The following ATP13A5 variants were observed in gnomAD, a reference collection of about 807,000 sequenced individuals.
ATP13A5 encodes the protein probable cation-transporting ATPase 13A5.
Under a neutral mutation model 150.2 loss-of-function variants are expected in ATP13A5, and 149 were observed. The observed-to-expected ratio is 0.99, with a 90% CI of 0.87 to 1.14. The LOEUF is 1.14. ATP13A5 is among the 50% of genes most tolerant of loss of function. ATP13A5 has a pLI of 0.00. For synonymous variants in ATP13A5, 497 were observed against 522.2 expected (o/e 0.95, Z 0.66); for missense variants, 1,383 against 1,449.3 (o/e 0.95, Z 0.74).
intron 26 of ATP13A5, among the ~76,000 whole-genome samples, chr3:193,289,000 T>C (rs1411455088): frequency 6.6e-6 from 1 of 152,156 alleles, no homozygotes; most frequent in Non-Finnish European, 1.5e-5. Context: ...AAAAATCTAG[T>C]GTTTAAACAG....
intron 9 of ATP13A5, among the ~76,000 whole-genome samples, chr3:193,337,410 T>C (rs902474852): frequency 3.3e-5 from 5 of 152,214 alleles, no homozygotes; most frequent in Admixed American, 6.5e-5. Context: ...GAATTAATTT[T>C]TGTATAAGGT....
At chr3:193,328,480 T>C (rs1486146426) in intron 12 of ATP13A5, among the ~76,000 whole-genome samples, 2 of 152,264 alleles carry the variant, frequency 1.3e-5, no homozygotes, top group Admixed American at 6.5e-5. Context: ...CAAACTGATA[T>C]GTTTTCCTGA....
At chr3:193,352,646 G>A (rs1185015290) in intron 6 of ATP13A5, among the ~76,000 whole-genome samples, 1 of 152,104 alleles carries the variant, frequency 6.6e-6, no homozygotes, top group African/African-American at 2.4e-5. Context: ...GATAGTTAGG[G>A]AAGCTATGCA....
intron 1 of ATP13A5, among the ~76,000 whole-genome samples, chr3:193,371,277 C>T (rs1263526128): frequency 6.6e-6 from 1 of 152,224 alleles, no homozygotes; most frequent in East Asian, 1.9e-4. Context: ...TAGGAAAAAA[C>T]AGCTATACAG....
In ATP13A5 at chr3:193,364,094, G is replaced by T. The variant is rs1273901518; in HGVS notation, c.237+13C>A. 1.9e-6 allele frequency: 3 copies of T among 1,612,196 alleles called. No homozygotes were observed. The highest frequency in any genetic ancestry group is 3.3e-5 in the Admixed American group (2 of 59,880). ...ATCATGGCTTTCAAAATAGAAAACA[G>T]AAAGGCACGCACTGTTGTCCTCAGC... On this transcript the variant is annotated intron_variant, in intron 2 of 29. Transcript: ENST00000342358.
At chr3:193,371,974 G>A (rs890698877) in intron 1 of ATP13A5, among the ~76,000 whole-genome samples, 8 of 152,096 alleles carry the variant, frequency 5.3e-5, no homozygotes, top group African/African-American at 1.9e-4. Context: ...GTGATCACAG[G>A]GGTGTCATGT....
chr3:193,322,443 C>G lies in ATP13A5; in HGVS notation c.1758+48G>C, dbSNP rs375937177. The G allele has an allele frequency of 2.8e-5, 38 of 1,363,856 alleles. No individual in the cohort carries two copies. In the African/African-American group the frequency reaches 4.9e-4, roughly 18 times the overall value. 84.5% of individuals were successfully genotyped at this position (1,363,856 alleles called of 1,614,324 possible). ...ATATGTGCAAGTCAGAAATGTTTTACCAGTTTTATGGGGAAAGAGCTATGT... is the reference window on the plus strand; with the variant it reads ...ATATGTGCAAGTCAGAAATGTTTTAGCAGTTTTATGGGGAAAGAGCTATGT... On this transcript the variant is annotated intron_variant, in intron 15 of 29. Coordinates refer to ENST00000342358, the MANE Select transcript of ATP13A5 (RefSeq NM_198505.4).
At chr3:193,351,247 T>C (rs772436167) in intron 6 of ATP13A5, 46 bp from the exon 7 acceptor site, 3 of 1,604,052 alleles carry the variant, frequency 1.9e-6, no homozygotes, top group South Asian at 1.1e-5. Flanking sequence ...TGAACCTTAG[T>C]AGCAATCAAG....
At chr3:193,293,515 T>G (rs967181943) in intron 25 of ATP13A5, among the ~76,000 whole-genome samples, 1 of 152,118 alleles carries the variant, frequency 6.6e-6, no homozygotes, top group Non-Finnish European at 1.5e-5. Flanking sequence ...TCCTGTCTCA[T>G]TCCACATTCT....
chr3:193,337,850 C>T (rs977851885), intron 9 of ATP13A5, among the ~76,000 whole-genome samples: 1 of 152,188 alleles, frequency 6.6e-6, no homozygotes, highest in Non-Finnish European at 1.5e-5. Flanking sequence ...AATGTGGATT[C>T]TTCCTATCCA....
At chr3:193,364,553 C>T (rs1713170236) in intron 1 of ATP13A5, among the ~76,000 whole-genome samples, 1 of 152,050 alleles carries the variant, frequency 6.6e-6, no homozygotes, top group Non-Finnish European at 1.5e-5. Flanking sequence ...TCATAAGAGT[C>T]ACCTCAGATT....
chr3:193,312,474 C>T (rs1451957595), intron 19 of ATP13A5, among the ~76,000 whole-genome samples: 1 of 152,218 alleles, frequency 6.6e-6, no homozygotes, highest in Non-Finnish European at 1.5e-5. Context: ...CTCTTCCATA[C>T]TCTACATCCC....
chr3:193,289,855 T>A (rs565291206), intron 26 of ATP13A5, 30 bp downstream of exon 26: 1 of 1,539,020 alleles, frequency 6.5e-7, no homozygotes, highest in South Asian at 1.3e-5. Flanking sequence ...AAATTACCTT[T>A]CGAAAGCAGC....
At chr3:193,326,150 G>A (rs1719460099) in intron 13 of ATP13A5, among the ~76,000 whole-genome samples, 1 of 152,170 alleles carries the variant, frequency 6.6e-6, no homozygotes. Flanking sequence ...TTCTGTCACT[G>A]ACAGCAGCCT....
chr3:193,363,096 C>A (rs1414827505), intron 3 of ATP13A5, 140 bp downstream of exon 3: 4 of 1,075,990 alleles, frequency 3.7e-6, no homozygotes, highest in African/African-American at 1.6e-5. Context: ...AACGACCATG[C>A]CCAGCCAGTC....
chr3:193,331,196 TTCTTCAGTC>T lies in ATP13A5; in HGVS notation c.1379_1387del (p.Arg460_Lys462del), dbSNP rs1560136246. 6.2e-7 allele frequency: 1 copy of T among 1,614,152 alleles called. No homozygotes were observed. Among genetic ancestry groups the T allele is most frequent in the Non-Finnish European group, 8.5e-7 (1 of 1,179,980 alleles). ...TGGGGAGATACAGAAGATTTTCTTT[TTCTTCAGTC>T]TCTTCTGAGCATACACGTTGCCTAT... On this transcript the variant is annotated inframe_deletion, in exon 12 of 30. Coordinates refer to ENST00000342358, the MANE Select transcript of ATP13A5 (RefSeq NM_198505.4).
intron 9 of ATP13A5, among the ~76,000 whole-genome samples, chr3:193,338,864 T>C (rs1712002198): frequency 6.6e-6 from 1 of 152,226 alleles, no homozygotes; most frequent in African/African-American, 2.4e-5. Flanking sequence ...TGTCTGGTCC[T>C]GGACTTTTTT....
chr3:193,373,855 G>A (rs890820619), intron 1 of ATP13A5, among the ~76,000 whole-genome samples: 2 of 152,158 alleles, frequency 1.3e-5, no homozygotes, highest in African/African-American at 2.4e-5. Context: ...AAATTACTTC[G>A]AAGCAAAATG....
rs144247133 is a variant in ATP13A5 at position 193,331,311 on chromosome 3, C to A, written c.1273G>T (p.Val425Phe). Residue 425 changes from valine to phenylalanine, a missense_variant and splice_region_variant, in exon 12 of 30, where the codon GTT becomes TTT. By Grantham distance (50) the Val-to-Phe change is conservative. Around this residue, in one of 3 missense-constraint regions of ATP13A5, gnomAD observed 787 missense variants for 771.9 expected, o/e 1.02. Coordinates refer to ENST00000342358, the MANE Select transcript of ATP13A5 (RefSeq NM_198505.4). ...ATGGTCACAGTATCTTTTGGAGGAA[C>A]CTGGGAGAGGACAGACATTTTCATA... The part of the protein sequence containing the change: ...YALGVYMYHG[V>F]PPKDTVTMAL... 1.9e-6 allele frequency: 3 copies of A among 1,611,832 alleles called. No individual in the cohort carries two copies. Among genetic ancestry groups the A allele is most frequent in the South Asian group, 1.1e-5 (1 of 90,756 alleles).
Sources: gnomAD v4.1 joint callset for allele counts (sites outside exome capture counted in the v4.1 genomes callset) on GRCh38, gnomAD v4.1.1 for gene constraint, gnomAD v4.1.1 regional missense constraint, MANE v1.5 for transcripts, NCBI Gene and HGNC (gene_info 2026-07-23, HGNC 2026-07-21) for gene names.